The following BRINP3 variants were observed in gnomAD, a reference collection of about 807,000 sequenced individuals.
The protein encoded by BRINP3 is BMP/retinoic acid inducible neural specific 3.
BRINP3 carries 19 observed loss-of-function variants against 71.0 expected under a neutral mutation model. The observed-to-expected ratio is 0.27, with a 90% CI of 0.19 to 0.39. The LOEUF is 0.39. Ranked by LOEUF, BRINP3 falls within the 10% of genes least tolerant of loss-of-function variation. BRINP3 has a pLI of 1.00. For missense variants in BRINP3, 959 were observed against 940.8 expected (o/e 1.02, Z -0.25); for synonymous variants, 380 against 337.7 (o/e 1.13, Z -1.37).
chr1:190,243,455 A>G (rs1249873439), intron 4 of BRINP3, among the ~76,000 whole-genome samples: 1 of 152,082 alleles, frequency 6.6e-6, no homozygotes, highest in Non-Finnish European at 1.5e-5. Context: ...GAAAACTGAC[A>G]TTTTTATAAA....
rs573997528 is a variant in BRINP3 at position 190,271,481 on chromosome 1, C to A, written c.428-6426G>T. Among the ~76,000 whole-genome samples, 19 of 151,590 alleles carry A rather than the reference C, an allele frequency of 1.3e-4. No individual in the cohort carries two copies. In the South Asian group the frequency reaches 3.9e-3, roughly 31 times the overall value. On this transcript the variant is annotated intron_variant, in intron 3 of 7. Coordinates refer to ENST00000367462, the MANE Select transcript of BRINP3 (RefSeq NM_199051.3). ...CGAAAGTTGTTAATATATTATTATT[C>A]TCTTTTATTCACCACTATTATTCAG...
intron 4 of BRINP3, among the ~76,000 whole-genome samples, chr1:190,256,870 G>A (rs555272587): frequency 1.3e-5 from 2 of 152,122 alleles, no homozygotes; most frequent in Admixed American, 6.5e-5. Context: ...TTAGTCTGAC[G>A]TGCTACCCTT....
chr1:190,134,860 C>A (rs1654842896), intron 7 of BRINP3, among the ~76,000 whole-genome samples: 1 of 152,020 alleles, frequency 6.6e-6, no homozygotes, highest in African/African-American at 2.4e-5. Flanking sequence ...GGAACATGAG[C>A]TTTTAGGACA....
chr1:190,343,414 T>C (rs1318690088), intron 2 of BRINP3, among the ~76,000 whole-genome samples: 2 of 151,756 alleles, frequency 1.3e-5, no homozygotes, highest in African/African-American at 2.4e-5. Flanking sequence ...TTGATTCTGC[T>C]ATGTACTATG....
rs1416498103 is a variant in BRINP3 at position 190,351,713 on chromosome 1, C to T, written c.237-69963G>A. 2.4e-4 allele frequency among the ~76,000 whole-genome samples: 37 copies of T among 151,992 alleles called. 1 individual carries two copies. The highest frequency in any genetic ancestry group is 2.4e-3 in the Admixed American group (37 of 15,242). Reference sequence around the variant, plus strand: ...CTATGTAGGCTATCATAGATTCATGCAGTTTGGTTGAAGAGTTTTTAAATG... The same window carrying T: ...CTATGTAGGCTATCATAGATTCATGTAGTTTGGTTGAAGAGTTTTTAAATG... On this transcript the variant is annotated intron_variant, in intron 2 of 7. Coordinates refer to ENST00000367462, the MANE Select transcript of BRINP3 (RefSeq NM_199051.3).
intron 7 of BRINP3, among the ~76,000 whole-genome samples, chr1:190,119,639 T>G (rs1418534716): frequency 6.6e-6 from 1 of 152,158 alleles, no homozygotes; most frequent in African/African-American, 2.4e-5. Flanking sequence ...TTATACTGAG[T>G]GCAGGTGTTT....
intron 2 of BRINP3, among the ~76,000 whole-genome samples, chr1:190,355,741 A>G (rs1267337657): frequency 2.0e-5 from 3 of 151,892 alleles, no homozygotes; most frequent in African/African-American, 7.2e-5. Flanking sequence ...TGCAATTCCT[A>G]TGTACCAAGT....
chr1:190,130,806 G>T (rs77884381), intron 7 of BRINP3, among the ~76,000 whole-genome samples: 3,342 of 151,880 alleles, frequency 0.022, 114 homozygotes, highest in African/African-American at 0.075. Context: ...TAAAACAGGC[G>T]GTGCTTTCCC....
chr1:190,442,371 G>A (rs541697421), intron 2 of BRINP3, among the ~76,000 whole-genome samples: 8 of 152,264 alleles, frequency 5.3e-5, no homozygotes, highest in African/African-American at 1.9e-4. Context: ...TTAAGCCTTT[G>A]TTAATTTCTG....
At chr1:190,157,850 T>A (rs1036573309) in intron 7 of BRINP3, among the ~76,000 whole-genome samples, 9 of 151,958 alleles carry the variant, frequency 5.9e-5, no homozygotes, top group African/African-American at 1.7e-4. Context: ...ATGAAAGCAA[T>A]AACAAGGAAT....
At chr1:190,228,003 T>A (rs1213146214) in intron 5 of BRINP3, among the ~76,000 whole-genome samples, 1 of 151,830 alleles carries the variant, frequency 6.6e-6, no homozygotes, top group East Asian at 1.9e-4. Context: ...AGATTTAAGA[T>A]CTTTAAGAAG....
intron 7 of BRINP3, among the ~76,000 whole-genome samples, chr1:190,135,242 T>A (rs578048866): frequency 2.0e-5 from 3 of 152,188 alleles, no homozygotes; most frequent in African/African-American, 7.2e-5. Flanking sequence ...GCTGCCATGA[T>A]AGAATTTTTA....
chr1:190,253,918 C>T lies in BRINP3; in HGVS notation c.618+10947G>A, dbSNP rs188409368. On this transcript the variant is annotated intron_variant, in intron 4 of 7. Coordinates refer to ENST00000367462, the MANE Select transcript of BRINP3 (RefSeq NM_199051.3). Reference sequence around the variant, plus strand: ...GTTTTAGGTCTAACATTTAAGTCTTCGATTCATCTTGAATTAATTTTTGTA... The same window carrying T: ...GTTTTAGGTCTAACATTTAAGTCTTTGATTCATCTTGAATTAATTTTTGTA... Among the ~76,000 whole-genome samples the T allele has an allele frequency of 2.6e-4, 39 of 152,174 alleles. 1 individual carries two copies. The East Asian group carries it at 6.0e-3, about 23-fold the overall frequency.
At chr1:190,116,071 T>A (rs527451397) in intron 7 of BRINP3, among the ~76,000 whole-genome samples, 1 of 152,192 alleles carries the variant, frequency 6.6e-6, no homozygotes, top group Non-Finnish European at 1.5e-5. Flanking sequence ...TAGTGTAAAA[T>A]CAGAGGAAAA....
At chr1:190,332,402 C>T (rs1540513) in intron 2 of BRINP3, among the ~76,000 whole-genome samples, 19,723 of 151,990 alleles carry the variant, frequency 0.13, 1,673 homozygotes, top group South Asian at 0.26. Flanking sequence ...GCTAACTATT[C>T]TTTTCTCATA....
chr1:190,210,233 A>G (rs1029118658), intron 6 of BRINP3, among the ~76,000 whole-genome samples: 1 of 152,148 alleles, frequency 6.6e-6, no homozygotes, highest in Non-Finnish European at 1.5e-5. Flanking sequence ...TAGTGAAGTC[A>G]TCACATATAT....
At chr1:190,110,627 T>C (rs530528768) in intron 7 of BRINP3, among the ~76,000 whole-genome samples, 1 of 152,276 alleles carries the variant, frequency 6.6e-6, no homozygotes, top group East Asian at 1.9e-4. Context: ...AGTCCTGTAG[T>C]ATAAATGGAA....
At chr1:190,143,738 T>C (rs576489764) in intron 7 of BRINP3, among the ~76,000 whole-genome samples, 1 of 152,272 alleles carries the variant, frequency 6.6e-6, no homozygotes, top group South Asian at 2.1e-4. Flanking sequence ...TAGCTGAATG[T>C]CAGTACTGAG....
At chr1:190,249,397 G>A (rs543198021) in intron 4 of BRINP3, among the ~76,000 whole-genome samples, 169 of 151,744 alleles carry the variant, frequency 1.1e-3, no homozygotes, top group Non-Finnish European at 2.0e-3. Context: ...CACTTACTAT[G>A]TATACATTTT....
Sources: allele counts gnomAD v4.1 joint callset (sites outside exome capture counted in the v4.1 genomes callset), GRCh38; gene constraint gnomAD v4.1.1; transcripts MANE v1.5; gene names NCBI Gene and HGNC (gene_info 2026-07-23, HGNC 2026-07-21).